The following APP variants were observed in gnomAD, a reference collection of about 807,000 sequenced individuals.
APP encodes amyloid-beta precursor protein.
Under a neutral mutation model 101.4 loss-of-function variants are expected in APP, and 31 were observed. The ratio of observed to expected loss-of-function variants is 0.31; its 90% confidence interval spans 0.23 to 0.41. APP has a LOEUF of 0.41. Ranked by LOEUF, APP falls within the 10% of genes least tolerant of loss-of-function variation. The probability of loss-of-function intolerance (pLI) is 1.00; values close to 1 mark genes in which losing one functional copy is unlikely to be tolerated. For synonymous variants in APP, 366 were observed against 364.4 expected (o/e 1.00, Z -0.05); for missense variants, 839 against 1,003.7 (o/e 0.84, Z 2.22).
intron 2 of APP, among the ~76,000 whole-genome samples, chr21:26,099,234 C>G (rs1251828862): frequency 6.6e-6 from 1 of 151,300 alleles, no homozygotes; most frequent in African/African-American, 2.4e-5. Flanking sequence ...TGAATATATA[C>G]ATGAAACAGA....
rs184401378 is a variant in APP, at chr21:26,121,883, A to T, written c.58-9737T>A. Among the ~76,000 whole-genome samples, 37 of 152,198 alleles carry T rather than the reference A, an allele frequency of 2.4e-4. 1 individual carries two copies. The highest frequency in any genetic ancestry group is 2.1e-3 in the Admixed American group (32 of 15,290). On this transcript the variant is annotated intron_variant, in intron 1 of 17. Transcript: ENST00000346798. ...CCCACTGCAATGTTGACCCACTCGG[A>T]ACGTAGAGCATGGGCAAAAAAAAGA...
At chr21:26,014,655 T>C (rs1301638526) in intron 6 of APP, among the ~76,000 whole-genome samples, 1 of 152,212 alleles carries the variant, frequency 6.6e-6, no homozygotes, top group Non-Finnish European at 1.5e-5. Context: ...TTTGTTCCTA[T>C]CTCTGTGCCC....
chr21:25,885,390 C>T (rs969934596), intron 17 of APP, among the ~76,000 whole-genome samples: 2 of 152,236 alleles, frequency 1.3e-5, no homozygotes, highest in African/African-American at 4.8e-5. Context: ...TATTATTTCC[C>T]TTAAAGCAGA....
At chr21:26,064,926 T>G (rs774632611) in intron 3 of APP, among the ~76,000 whole-genome samples, 2 of 152,232 alleles carry the variant, frequency 1.3e-5, no homozygotes, top group Non-Finnish European at 2.9e-5. Flanking sequence ...TGATCTTGGC[T>G]CACTGCAACC....
intron 11 of APP, among the ~76,000 whole-genome samples, chr21:25,967,284 G>A (rs977546658): frequency 1.3e-5 from 2 of 152,176 alleles, no homozygotes; most frequent in African/African-American, 4.8e-5. Context: ...GTATGGATAA[G>A]ATGGTTTCAA....
At chr21:26,069,557 A>G (rs944129145) in intron 3 of APP, among the ~76,000 whole-genome samples, 1 of 152,064 alleles carries the variant, frequency 6.6e-6, no homozygotes, top group African/African-American at 2.4e-5. Context: ...GACCACCCAC[A>G]TGCTTTTGAT....
At chr21:26,054,617 A>G (rs1371086096) in intron 3 of APP, among the ~76,000 whole-genome samples, 9 of 140,172 alleles carry the variant, frequency 6.4e-5, no homozygotes. Flanking sequence ...ACATAGGCCA[A>G]AAGTTTTTTT....
At chr21:26,068,976 G>C (rs1049822726) in intron 3 of APP, among the ~76,000 whole-genome samples, 1 of 152,100 alleles carries the variant, frequency 6.6e-6, no homozygotes, top group South Asian at 2.1e-4. Context: ...ATCAAATTCC[G>C]GAAGTGTACC....
intron 3 of APP, among the ~76,000 whole-genome samples, chr21:26,055,402 A>C (rs751160986): frequency 5.3e-5 from 8 of 152,226 alleles, no homozygotes; most frequent in Non-Finnish European, 8.8e-5. Flanking sequence ...TCTCTTTTAC[A>C]TAGAATGATA....
chr21:25,936,558 A>G (rs994805890), intron 13 of APP, among the ~76,000 whole-genome samples: 6 of 152,192 alleles, frequency 3.9e-5, no homozygotes, highest in African/African-American at 9.6e-5. Flanking sequence ...AAACAAAAGA[A>G]GAAGAGGAAG....
chr21:26,055,036 T>C (rs1363784578), intron 3 of APP, among the ~76,000 whole-genome samples: 1 of 152,148 alleles, frequency 6.6e-6, no homozygotes, highest in East Asian at 1.9e-4. Context: ...AAGCAAATCA[T>C]AGGGGAGAAT....
At chr21:26,112,182 T>C (rs199991032) in intron 1 of APP, 36 bp from the exon 2 acceptor site, 17 of 1,607,792 alleles carry the variant, frequency 1.1e-5, no homozygotes, top group Admixed American at 5.0e-5. Flanking sequence ...ATAGTATCCA[T>C]AGCTCCAAGG....
At chr21:26,012,436 A>G (rs1209378074) in intron 6 of APP, among the ~76,000 whole-genome samples, 1 of 151,738 alleles carries the variant, frequency 6.6e-6, no homozygotes, top group Non-Finnish European at 1.5e-5. Context: ...TTGACTTTTT[A>G]CTCTTCTACT....
intron 6 of APP, among the ~76,000 whole-genome samples, chr21:26,016,400 C>T (rs76564702): frequency 0.02 from 2,999 of 152,192 alleles, 101 homozygotes; most frequent in African/African-American, 0.069. Flanking sequence ...GAATATATGC[C>T]TATATCAAAG....
At chr21:26,106,765 C>G (rs1358656433) in intron 2 of APP, among the ~76,000 whole-genome samples, 1 of 152,158 alleles carries the variant, frequency 6.6e-6, no homozygotes, top group Non-Finnish European at 1.5e-5. Context: ...ATCACAAAGC[C>G]TTTCCTTTTG....
chr21:25,910,094 T>A (rs1267377640), intron 14 of APP, among the ~76,000 whole-genome samples: 1 of 152,054 alleles, frequency 6.6e-6, no homozygotes, highest in Non-Finnish European at 1.5e-5. Context: ...TAGTACTAAT[T>A]GCATGTTATA....
chr21:25,903,388 CAAA>C (rs1318052750), intron 15 of APP, among the ~76,000 whole-genome samples: 2 of 138,434 alleles, frequency 1.4e-5, no homozygotes, highest in Non-Finnish European at 3.1e-5. Flanking sequence ...AAAAAAAAAT[CAAA>C]AAACAATTTT....
chr21:26,150,626 T>TAGATAGATAGATAGATAGATAGATAGAC (rs370206066), intron 1 of APP, among the ~76,000 whole-genome samples: 4,408 of 149,708 alleles, frequency 0.029, 129 homozygotes, highest in African/African-American at 0.065. Flanking sequence ...GACAGATAGA[T>TAGATAGATAGATAGATAGATAGATAGAC]AGACAGACAG....
intron 11 of APP, among the ~76,000 whole-genome samples, chr21:25,958,748 ATTTC>A (rs1419432916): frequency 1.3e-5 from 2 of 152,206 alleles, no homozygotes; most frequent in Admixed American, 1.3e-4. Context: ...ATACACATTT[ATTTC>A]TTTCACTCAG....
Sources: gnomAD v4.1 joint callset for allele counts (sites outside exome capture counted in the v4.1 genomes callset) on GRCh38, gnomAD v4.1.1 for gene constraint, MANE v1.5 for transcripts, NCBI Gene and HGNC (gene_info 2026-07-23, HGNC 2026-07-21) for gene names.